Variants in SAMMSON observed in about 807,000 individuals in gnomAD.
The protein encoded by SAMMSON is long intergenic non-protein coding RNA 1212.
chr3:70,268,056 T>C (rs1418785920), intron 6 of SAMMSON, among the ~76,000 whole-genome samples: 1 of 150,760 alleles, frequency 6.6e-6, no homozygotes, highest in Non-Finnish European at 1.5e-5. Flanking sequence ...TCCTCCTTCT[T>C]CTCCAATATT....
chr3:70,227,818 CTG>C (rs1460237711), intron 4 of SAMMSON, among the ~76,000 whole-genome samples: 1 of 152,060 alleles, frequency 6.6e-6, no homozygotes, highest in African/African-American at 2.4e-5. Context: ...GTAATACAAA[CTG>C]TGAATTATAA....
chr3:70,331,077 T>C (rs550414872), intron 7 of SAMMSON, among the ~76,000 whole-genome samples: 31 of 152,338 alleles, frequency 2.0e-4, no homozygotes. Flanking sequence ...GATCCCCAAA[T>C]TGAAGCTTTT....
intron 6 of SAMMSON, among the ~76,000 whole-genome samples, chr3:70,253,072 C>T (rs1274606430): frequency 2.0e-5 from 3 of 151,040 alleles, no homozygotes; most frequent in African/African-American, 4.9e-5. Flanking sequence ...AAGAGTGAGA[C>T]TTTGCTCAAA....
chr3:70,328,153 G>T (rs1380662069), intron 7 of SAMMSON, among the ~76,000 whole-genome samples: 2 of 152,138 alleles, frequency 1.3e-5, no homozygotes, highest in African/African-American at 4.8e-5. Context: ...GCATGGGAAA[G>T]GTCTGCCCCC....
At chr3:70,345,574 T>C (rs1477857319) in intron 7 of SAMMSON, among the ~76,000 whole-genome samples, 1 of 152,206 alleles carries the variant, frequency 6.6e-6, no homozygotes, top group African/African-American at 2.4e-5. Flanking sequence ...CATAGTGTCA[T>C]CTATTCACCA....
intron 4 of SAMMSON, among the ~76,000 whole-genome samples, chr3:70,119,002 C>G (rs564140689): frequency 6.6e-6 from 1 of 152,256 alleles, no homozygotes; most frequent in South Asian, 2.1e-4. Flanking sequence ...TGCACTCTTT[C>G]CTAGATTTCT....
chr3:70,244,528 A>G (rs1028808469), intron 4 of SAMMSON, among the ~76,000 whole-genome samples: 2 of 152,244 alleles, frequency 1.3e-5, no homozygotes, highest in African/African-American at 2.4e-5. Context: ...GAGTAGGCTA[A>G]CAAATCTATT....
At chr3:70,178,195 A>G (rs537947953) in intron 4 of SAMMSON, among the ~76,000 whole-genome samples, 2 of 152,266 alleles carry the variant, frequency 1.3e-5, no homozygotes, top group South Asian at 2.1e-4. Context: ...CTCTAATGCC[A>G]GCATTTCTGT....
intron 6 of SAMMSON, among the ~76,000 whole-genome samples, chr3:70,253,542 T>C (rs1474872866): frequency 1.3e-5 from 2 of 152,088 alleles, no homozygotes; most frequent in African/African-American, 2.4e-5. Flanking sequence ...CTGAGCAACA[T>C]AGCAAGACCT....
At chr3:70,222,314 T>C (rs1481061818) in intron 4 of SAMMSON, among the ~76,000 whole-genome samples, 1 of 152,232 alleles carries the variant, frequency 6.6e-6, no homozygotes, top group African/African-American at 2.4e-5. Context: ...AGTTCTTCTG[T>C]GTTACCATGA....
At chr3:70,413,665 T>C (rs958222324) in intron 2 of SAMMSON, among the ~76,000 whole-genome samples, 2 of 152,124 alleles carry the variant, frequency 1.3e-5, no homozygotes, top group Non-Finnish European at 2.9e-5. Context: ...ACAAAACATT[T>C]TGTGGAGATT....
chr3:70,144,367 G>A (rs1283356628), intron 4 of SAMMSON, among the ~76,000 whole-genome samples: 5 of 151,948 alleles, frequency 3.3e-5, no homozygotes, highest in Admixed American at 1.3e-4. Context: ...AGGTCCCAGT[G>A]CTGGTGTGTA....
intron 2 of SAMMSON, among the ~76,000 whole-genome samples, chr3:70,421,265 T>C (rs1195049369): frequency 6.6e-6 from 1 of 152,150 alleles, no homozygotes; most frequent in African/African-American, 2.4e-5. Flanking sequence ...CTGCATATGC[T>C]GAAATTTAAA....
chr3:70,036,419 T>C (rs573293502), intron 3 of SAMMSON, among the ~76,000 whole-genome samples: 47 of 152,286 alleles, frequency 3.1e-4, no homozygotes, highest in African/African-American at 1.1e-3. Context: ...AAGGGATTGA[T>C]ATCACTCTCA....
intron 3 of SAMMSON, among the ~76,000 whole-genome samples, chr3:70,024,180 T>C (rs1283487986): frequency 1.3e-5 from 2 of 152,214 alleles, no homozygotes; most frequent in Non-Finnish European, 2.9e-5. Context: ...CTCACATTTC[T>C]TTTATATTCC....
At chr3:70,005,682 G>A (rs1380758286) in intron 1 of SAMMSON, among the ~76,000 whole-genome samples, 1 of 152,134 alleles carries the variant, frequency 6.6e-6, no homozygotes, top group East Asian at 1.9e-4. Context: ...GCAGGTACAG[G>A]GTGGGAAGGA....
intron 3 of SAMMSON, among the ~76,000 whole-genome samples, chr3:70,032,312 AT>A (rs2067069096): frequency 6.6e-6 from 1 of 152,202 alleles, no homozygotes; most frequent in South Asian, 2.1e-4. Flanking sequence ...TAAGTCTGGA[AT>A]AGAAAAAAAA....
intron 4 of SAMMSON, among the ~76,000 whole-genome samples, chr3:70,235,201 G>T (rs1267719988): frequency 6.6e-6 from 1 of 152,148 alleles, no homozygotes; most frequent in Non-Finnish European, 1.5e-5. Flanking sequence ...ATCCACAAAA[G>T]ATGTGTCTTC....
chr3:70,211,461 C>T (rs199562019), intron 4 of SAMMSON, among the ~76,000 whole-genome samples: 3 of 18,512 alleles, frequency 1.6e-4, no homozygotes, highest in South Asian at 4.3e-3. Context: ...CTTCCCTTCC[C>T]TTTGCCCTTC....
Sources: allele counts gnomAD v4.1 joint callset (sites outside exome capture counted in the v4.1 genomes callset), GRCh38; gene constraint gnomAD v4.1.1; transcripts MANE v1.5; gene names NCBI Gene and HGNC (gene_info 2026-07-23, HGNC 2026-07-21).